The following DENND6A variants were observed in gnomAD, a reference collection of about 807,000 sequenced individuals.
The protein encoded by DENND6A is protein DENND6A.
A neutral mutation model predicts 95.5 loss-of-function variants in DENND6A; 43 were observed. The ratio of observed to expected loss-of-function variants is 0.45; its 90% confidence interval spans 0.35 to 0.58. The LOEUF is 0.58. Among genes scored for constraint, DENND6A ranks in the 20% least tolerant of loss-of-function variants. DENND6A has a pLI of 0.00. For missense variants in DENND6A, 574 were observed against 736.0 expected, an observed-to-expected ratio of 0.78 and a Z score of 2.55; for synonymous variants, 257 against 260.4, an observed-to-expected ratio of 0.99 and a Z score of 0.13.
Position 57,655,276 on chromosome 3 carries a change from G to A in DENND6A, c.818+2404C>T, listed in dbSNP as rs992926111. On this transcript the variant is annotated intron_variant, in intron 9 of 19. Coordinates refer to ENST00000311128, the MANE Select transcript of DENND6A (RefSeq NM_152678.3). ...TCTCAAAATCCTGACCTCATGATCC[G>A]CCCGCCTCGGCCTCCCAAAGTGCTG... Among the ~76,000 whole-genome samples, 18 of 152,172 alleles carry A rather than the reference G, an allele frequency of 1.2e-4. No individual in the cohort carries two copies. The South Asian group carries it at 2.3e-3, about 19-fold the overall frequency.
intron 12 of DENND6A, among the ~76,000 whole-genome samples, chr3:57,639,909 C>A (rs918779434): frequency 6.6e-6 from 1 of 152,056 alleles, no homozygotes; most frequent in Non-Finnish European, 1.5e-5. Context: ...GAAGGAATAT[C>A]TTGTAAAATC....
rs34961564 is a variant in DENND6A at position 57,690,684 on chromosome 3, T to TAA, written c.237+2096_237+2097dup. On this transcript the variant is annotated intron_variant, in intron 1 of 19. Transcript: ENST00000311128. ...GGCTGACAAAGTTAGACTCTGTCTT[T>TAA]AAAAAAAAAAAAAAAAATCAGAGAA... 2.8e-3 allele frequency among the ~76,000 whole-genome samples: 392 copies of TAA among 141,178 alleles called. 3 individuals carry two copies. Among genetic ancestry groups the TAA allele is most frequent in the Middle Eastern group, 0.011 (3 of 270 alleles). The allele number at this position is 141,178 out of a possible 152,430, so 92.6% of individuals were successfully genotyped here. A position where few individuals can be genotyped will look rare whatever the true frequency, so the allele number is the denominator to read the frequency against.
At chr3:57,630,568 T>C (rs1320185218) in intron 17 of DENND6A, 45 bp from the exon 18 acceptor site, 2 of 1,551,636 alleles carry the variant, frequency 1.3e-6, no homozygotes, top group Admixed American at 2.2e-5. Flanking sequence ...TTATAACTTA[T>C]TTCCTTTCCT....
At chr3:57,632,289 G>A (rs968440927) in intron 15 of DENND6A, among the ~76,000 whole-genome samples, 3 of 151,844 alleles carry the variant, frequency 2.0e-5, no homozygotes, top group Non-Finnish European at 2.9e-5. Context: ...CTCCAAAAGT[G>A]CTGGGATTAC....
chr3:57,666,991 A>G (rs1481164731), intron 3 of DENND6A, among the ~76,000 whole-genome samples: 1 of 152,250 alleles, frequency 6.6e-6, no homozygotes, highest in Non-Finnish European at 1.5e-5. Flanking sequence ...ATGGAAATTG[A>G]CTTTTTCTTT....
rs2070641827 is a variant in DENND6A at position 57,630,432 on chromosome 3, G to T, written c.1609C>A (p.Leu537Ile). Residue 537 changes from leucine to isoleucine, a missense_variant, in exon 18 of 20, where the codon CTT becomes ATT. By Grantham distance (5) the Leu-to-Ile change is conservative. Coordinates refer to ENST00000311128, the MANE Select transcript of DENND6A (RefSeq NM_152678.3). ...QKLEALHLEALCEEDLLLWIQ... is the reference protein window; with the variant it reads ...QKLEALHLEAICEEDLLLWIQ... The stretch of plus-strand genomic sequence containing the variant: ...CACAGTTTTCGAACCTCTTCACAAA[G>T]AGCTTCTAGATGGAGTGCCTCCAAT... 1.9e-6 allele frequency: 3 copies of T among 1,584,016 alleles called. No individual in the cohort carries two copies. Among genetic ancestry groups the T allele is most frequent in the Non-Finnish European group, 2.6e-6 (3 of 1,173,400 alleles).
chr3:57,671,944 C>T (rs1211087230), intron 3 of DENND6A, among the ~76,000 whole-genome samples: 1 of 152,178 alleles, frequency 6.6e-6, no homozygotes, highest in Non-Finnish European at 1.5e-5. Flanking sequence ...AAGTAAACTA[C>T]ATACTATATA....
At chr3:57,648,182 G>A (rs575718180) in intron 9 of DENND6A, among the ~76,000 whole-genome samples, 3 of 152,210 alleles carry the variant, frequency 2.0e-5, no homozygotes, top group African/African-American at 7.2e-5. Context: ...CAAAATTAAT[G>A]TACACAAATC....
Position 57,645,687 on chromosome 3 carries a change from T to C in DENND6A, c.1011A>G (p.Lys337=), listed in dbSNP as rs574830655. Residue 337 remains lysine (K), a synonymous_variant, in exon 11 of 20, where the codon AAA becomes AAG. Coordinates refer to ENST00000311128, the MANE Select transcript of DENND6A (RefSeq NM_152678.3). Reference sequence around the variant, plus strand: ...GAGCTTGGGTACGGGTAGTATATTCTTTGAATTCACTATCATGAATAGTGA... The same window carrying C: ...GAGCTTGGGTACGGGTAGTATATTCCTTGAATTCACTATCATGAATAGTGA... The part of the protein sequence containing the change: ...PYFTIHDSEF[K]EYTTRTQAPP... 38 of 1,613,180 alleles carry C rather than the reference T, an allele frequency of 2.4e-5. 1 individual carries two copies. The South Asian group carries it at 3.3e-4, about 14-fold the overall frequency.
At chr3:57,648,148 T>C (rs982486958) in intron 9 of DENND6A, among the ~76,000 whole-genome samples, 1 of 152,138 alleles carries the variant, frequency 6.6e-6, no homozygotes, top group African/African-American at 2.4e-5. Context: ...AACTGGTAAA[T>C]GAATTCAGCA....
At chr3:57,651,695 A>C (rs1248590096) in intron 9 of DENND6A, among the ~76,000 whole-genome samples, 1 of 152,202 alleles carries the variant, frequency 6.6e-6, no homozygotes, top group Non-Finnish European at 1.5e-5. Context: ...TTACCAAAAA[A>C]AAAAAAGATA....
At chr3:57,687,124 G>A (rs952873947) in intron 1 of DENND6A, among the ~76,000 whole-genome samples, 10 of 152,036 alleles carry the variant, frequency 6.6e-5, no homozygotes, top group African/African-American at 2.4e-4. Flanking sequence ...CTCCCAAAGC[G>A]CTGAGAATAC....
chr3:57,640,389 T>C (rs1202225192), intron 12 of DENND6A, among the ~76,000 whole-genome samples: 5 of 151,934 alleles, frequency 3.3e-5, no homozygotes, highest in African/African-American at 1.2e-4. Context: ...GCTCAGGAGT[T>C]TGAGACCAGC....
Position 57,630,421 on chromosome 3 carries a change from C to T in DENND6A, c.1620G>A (p.Glu540=). 1 of 1,579,468 alleles carries T rather than the reference C, an allele frequency of 6.3e-7. No homozygotes were observed. The highest frequency in any genetic ancestry group is 8.5e-7 in the Non-Finnish European group (1 of 1,171,976). The part of the protein sequence containing the change: ...EALHLEALCE[E]DLLLWIQKHT... ...TTACACAAACACACAGTTTTCGAAC[C>T]TCTTCACAAAGAGCTTCTAGATGGA... Residue 540 remains glutamate, a splice_region_variant and synonymous_variant, in exon 18 of 20, where the codon GAG becomes GAA. Coordinates refer to ENST00000311128, the MANE Select transcript of DENND6A (RefSeq NM_152678.3).
At position 57,626,100 on chromosome 3, in the gene DENND6A, G is replaced by A. The variant is rs751788390; in HGVS notation, c.*2114C>T. Reference sequence around the variant, plus strand: ...TTGCTCCTTTTCTGAAAAGTCAGCTGTTGTTTCACAAAATAACTCATATGA... The same window carrying A: ...TTGCTCCTTTTCTGAAAAGTCAGCTATTGTTTCACAAAATAACTCATATGA... On this transcript the variant is annotated 3_prime_UTR_variant, in exon 20 of 20. Coordinates refer to ENST00000311128, the MANE Select transcript of DENND6A (RefSeq NM_152678.3). The A allele has an allele frequency of 3.1e-4, 47 of 152,694 alleles. No homozygotes were observed. The highest frequency in any genetic ancestry group is 6.5e-4 in the Admixed American group (10 of 15,282). The allele number at this position is 152,694 out of a possible 1,614,324, so 9.5% of individuals were successfully genotyped here. A position where few individuals can be genotyped will look rare whatever the true frequency, so the allele number is the denominator to read the frequency against.
At chr3:57,630,679 C>T (rs762870942) in intron 17 of DENND6A, 36 bp downstream of exon 17, 22 of 1,581,914 alleles carry the variant, frequency 1.4e-5, no homozygotes, top group Middle Eastern at 3.4e-4. Context: ...AAATAAAGCA[C>T]GACACATGGG....
At chr3:57,647,177 A>T (rs774359377) in intron 9 of DENND6A, among the ~76,000 whole-genome samples, 1 of 152,236 alleles carries the variant, frequency 6.6e-6, no homozygotes. Context: ...TGCAAATAAA[A>T]AAGAAAAGAA....
intron 15 of DENND6A, among the ~76,000 whole-genome samples, chr3:57,632,101 C>T (rs1233955275): frequency 4.8e-5 from 7 of 146,068 alleles, no homozygotes; most frequent in Non-Finnish European, 1.5e-5. Context: ...CTCACTGCAA[C>T]CTCCGCCTCC....
rs1414248435 is a variant in DENND6A, at chr3:57,647,979, T to C, written c.819-1541A>G. On this transcript the variant is annotated intron_variant, in intron 9 of 19. Transcript: ENST00000311128. Reference sequence around the variant, plus strand: ...CAGTGGGGATGAGAAAACTATTAGCTTGGGGGACAAAGTTGCAGCAGAGTC... The same window carrying C: ...CAGTGGGGATGAGAAAACTATTAGCCTGGGGGACAAAGTTGCAGCAGAGTC... 2.0e-5 allele frequency among the ~76,000 whole-genome samples: 3 copies of C among 151,734 alleles called. No homozygotes were observed. The South Asian group carries it at 6.2e-4, about 32-fold the overall frequency.
Sources: allele counts gnomAD v4.1 joint callset (sites outside exome capture counted in the v4.1 genomes callset), GRCh38; gene constraint gnomAD v4.1.1; transcripts MANE v1.5; gene names NCBI Gene and HGNC (gene_info 2026-07-23, HGNC 2026-07-21).